PPARGC1A: variants seen among roughly 807,000 people sequenced by gnomAD.
PPARGC1A encodes the protein PPARG coactivator 1 alpha, also known as peroxisome proliferator-activated receptor gamma coactivator 1-alpha.
Under a neutral mutation model 88.7 loss-of-function variants are expected in PPARGC1A, and 25 were observed. The ratio of observed to expected loss-of-function variants is 0.28; its 90% CI spans 0.21 to 0.39. PPARGC1A has a LOEUF of 0.39. Ranked by LOEUF, PPARGC1A falls within the 10% of genes least tolerant of loss-of-function variation. The pLI is 1.00. For missense variants in PPARGC1A, 880 were observed against 968.7 expected, an observed-to-expected ratio of 0.91 and a Z score of 1.22; for synonymous variants, 363 against 355.6, an observed-to-expected ratio of 1.02 and a Z score of -0.24.
the PPARGC1A span, among the ~76,000 whole-genome samples, chr4:24,146,923 T>G: frequency 2.0e-5 from 3 of 152,330 alleles, no homozygotes; most frequent in Non-Finnish European, 4.4e-5. Flanking sequence ...GTCTCCCCTC[T>G]GTAGAATGTA....
At chr4:24,311,477 A>G in the PPARGC1A span, among the ~76,000 whole-genome samples, 1 of 151,366 alleles carries the variant, frequency 6.6e-6, no homozygotes, top group African/African-American at 2.4e-5. Context: ...CTACTAAAAA[A>G]AAAATACAAA....
the PPARGC1A span, among the ~76,000 whole-genome samples, chr4:24,322,397 T>C: frequency 3.9e-5 from 6 of 152,262 alleles, no homozygotes; most frequent in Admixed American, 3.9e-4. Context: ...ACTGCAGCTT[T>C]TCTCTTGACA....
the PPARGC1A span, among the ~76,000 whole-genome samples, chr4:23,938,210 G>A: frequency 1.3e-5 from 2 of 152,058 alleles, no homozygotes; most frequent in East Asian, 1.9e-4. Context: ...TTCTTACCTT[G>A]TATTTAATTT....
chr4:23,933,499 C>T, the PPARGC1A span, among the ~76,000 whole-genome samples: 2 of 152,084 alleles, frequency 1.3e-5, no homozygotes, highest in Admixed American at 6.5e-5. Context: ...GGATTGTGAG[C>T]CTGAAGCAAG....
At chr4:23,962,184 A>G in the PPARGC1A span, among the ~76,000 whole-genome samples, 1 of 152,086 alleles carries the variant, frequency 6.6e-6, no homozygotes, top group African/African-American at 2.4e-5. Context: ...TTTTCTAGAT[A>G]TACTGCTGTG....
At chr4:24,285,014 C>T in the PPARGC1A span, among the ~76,000 whole-genome samples, 7 of 150,888 alleles carry the variant, frequency 4.6e-5, no homozygotes, top group Non-Finnish European at 7.4e-5. Flanking sequence ...GGCAACAGGG[C>T]GAGACTGTCT....
the PPARGC1A span, among the ~76,000 whole-genome samples, chr4:23,935,595 C>T: frequency 6.6e-6 from 1 of 152,110 alleles, no homozygotes; most frequent in East Asian, 1.9e-4. Context: ...TGGCTTTTTC[C>T]ATAGAATTAT....
At chr4:24,218,042 T>G in the PPARGC1A span, among the ~76,000 whole-genome samples, 23 of 152,302 alleles carry the variant, frequency 1.5e-4, no homozygotes, top group Non-Finnish European at 3.1e-4. Context: ...TCTAAGGCTT[T>G]AATCTTGAGT....
the PPARGC1A span, among the ~76,000 whole-genome samples, chr4:23,974,799 A>ATTTTTTTTTTTTTTTTTTTTTTTT: frequency 2.5e-4 from 15 of 61,124 alleles, 1 homozygote; most frequent in Non-Finnish European, 3.6e-4. Flanking sequence ...GGCCCGGCTA[A>ATTTTTTTTTTTTTTTTTTTTTTTT]TTTTTTTTTT....
At chr4:24,416,197 C>T in the PPARGC1A span, among the ~76,000 whole-genome samples, 1,393 of 152,180 alleles carry the variant, frequency 9.2e-3, 7 homozygotes, top group Non-Finnish European at 0.014. Context: ...TCCAGACACA[C>T]GGAAGCACAA....
the PPARGC1A span, among the ~76,000 whole-genome samples, chr4:24,265,905 A>G: frequency 5.8e-5 from 8 of 137,316 alleles, no homozygotes; most frequent in Non-Finnish European, 7.7e-5. Flanking sequence ...GAAAGGAGAG[A>G]GGAAAGGACT....
the PPARGC1A span, among the ~76,000 whole-genome samples, chr4:23,979,811 C>G: frequency 2.0e-5 from 3 of 152,136 alleles, no homozygotes; most frequent in African/African-American, 7.2e-5. Context: ...TGCCTCTTCC[C>G]TCCCAGTGTG....
At chr4:24,213,988 A>G in the PPARGC1A span, among the ~76,000 whole-genome samples, 1 of 152,246 alleles carries the variant, frequency 6.6e-6, no homozygotes, top group African/African-American at 2.4e-5. Flanking sequence ...TATGAGACTC[A>G]ACATAAAGCG....
the PPARGC1A span, among the ~76,000 whole-genome samples, chr4:24,048,786 A>T: frequency 6.6e-6 from 1 of 152,002 alleles, no homozygotes; most frequent in Admixed American, 6.6e-5. Flanking sequence ...ATTTTCCTGA[A>T]CCCTCACTTG....
At chr4:24,454,755 T>C in the PPARGC1A span, among the ~76,000 whole-genome samples, 1 of 151,872 alleles carries the variant, frequency 6.6e-6, no homozygotes, top group Non-Finnish European at 1.5e-5. Context: ...AAAAAATCTG[T>C]ATTTGACATA....
chr4:24,380,701 A>G, the PPARGC1A span, among the ~76,000 whole-genome samples: 2 of 152,140 alleles, frequency 1.3e-5, no homozygotes, highest in African/African-American at 4.8e-5. Context: ...AGTTCCAGAG[A>G]TAGTTAAGAA....
the PPARGC1A span, among the ~76,000 whole-genome samples, chr4:24,252,098 T>G: frequency 6.6e-6 from 1 of 152,240 alleles, no homozygotes; most frequent in Non-Finnish European, 1.5e-5. Flanking sequence ...TTCTAAAATT[T>G]CCCTGAATTT....
At chr4:24,363,316 T>C in the PPARGC1A span, among the ~76,000 whole-genome samples, 1 of 152,208 alleles carries the variant, frequency 6.6e-6, no homozygotes, top group Non-Finnish European at 1.5e-5. Flanking sequence ...TGGCTCAATA[T>C]AAACATTTGG....
chr4:24,322,735 C>T, the PPARGC1A span, among the ~76,000 whole-genome samples: 1 of 152,182 alleles, frequency 6.6e-6, no homozygotes, highest in Non-Finnish European at 1.5e-5. Flanking sequence ...AATCAGCATG[C>T]ACTATGACTC....
Sources: gnomAD v4.1 joint callset for allele counts (sites outside exome capture counted in the v4.1 genomes callset) on GRCh38, gnomAD v4.1.1 for gene constraint, MANE v1.5 for transcripts, NCBI Gene and HGNC (gene_info 2026-07-23, HGNC 2026-07-21) for gene names.